NCKAP5: variants seen among roughly 807,000 people sequenced by gnomAD.
NCKAP5 encodes NCK associated protein 5.
A neutral mutation model predicts 167.0 loss-of-function variants in NCKAP5; 92 were observed. The ratio of observed to expected loss-of-function variants is 0.55; its 90% confidence interval spans 0.47 to 0.66. The LOEUF (loss-of-function observed/expected upper bound fraction) is 0.66. Ranked by LOEUF, NCKAP5 falls within the 30% of genes least tolerant of loss-of-function variation. The pLI is 0.00. For missense variants in NCKAP5, 2,378 were observed against 2,315.0 expected, an observed-to-expected ratio of 1.03 and a Z score of -0.56; for synonymous variants, 891 against 877.4, an observed-to-expected ratio of 1.02 and a Z score of -0.27.
intron 3 of NCKAP5, among the ~76,000 whole-genome samples, chr2:133,474,542 A>C (rs1268270744): frequency 1.3e-5 from 2 of 152,206 alleles, no homozygotes; most frequent in Non-Finnish European, 2.9e-5. Flanking sequence ...TTGATAAGGG[A>C]ATAGATTTTA....
chr2:132,723,082 G>A lies in NCKAP5; in HGVS notation c.5713+2545C>T, dbSNP rs6754545. Among the ~76,000 whole-genome samples, 538 of 150,966 alleles carry A rather than the reference G, an allele frequency of 3.6e-3. 2 individuals are homozygous for A. The highest frequency in any genetic ancestry group is 0.012 in the African/African-American group (488 of 41,064). ...CCTCAAGTTATTCTCTTGCCTTACC[G>A]TCCCGAAGTGCTGGGATTACAGGCA... On this transcript the variant is annotated intron_variant, in intron 19 of 19. Transcript: ENST00000409261.
chr2:133,573,607 T>C, the NCKAP5 span, among the ~76,000 whole-genome samples: 1 of 152,302 alleles, frequency 6.6e-6, no homozygotes, highest in East Asian at 1.9e-4. Context: ...ACTAAGGCAC[T>C]GGAAGGCTCT....
intron 7 of NCKAP5, among the ~76,000 whole-genome samples, chr2:132,989,325 T>TC (rs796370854): frequency 6.6e-6 from 1 of 152,184 alleles, no homozygotes; most frequent in African/African-American, 2.4e-5. Flanking sequence ...TAACATAAGT[T>TC]CCCTAATTTA....
chr2:133,209,734 T>C (rs2150155608), intron 5 of NCKAP5, among the ~76,000 whole-genome samples: 1 of 152,258 alleles, frequency 6.6e-6, no homozygotes, highest in East Asian at 1.9e-4. Context: ...AGTATACCAA[T>C]GTTAATCTCT....
At position 132,785,148 on chromosome 2, in the gene NCKAP5, G is replaced by C; in HGVS notation, c.1663C>G (p.Gln555Glu). Reference sequence around the variant, plus strand: ...CTCTCCCTCTGTACCTGAGGCGTCTGCACACTTGGGCACAGCTTCATCTCT... The same window carrying C: ...CTCTCCCTCTGTACCTGAGGCGTCTCCACACTTGGGCACAGCTTCATCTCT... ...PLEMKLCPSVQTPQVQRERGP... is the reference protein window; with the variant it reads ...PLEMKLCPSVETPQVQRERGP... The change falls in exon 14 of 20, where the codon CAG (glutamine) becomes GAG (glutamate). Residue 555 changes from glutamine (Q) to glutamate (E), a missense_variant. Physicochemically the swap from Gln to Glu is conservative, Grantham distance 29 (BLOSUM62 2). This residue lies in a region of NCKAP5 where 1,049 missense variants were observed against 1,023.4 expected (regional missense o/e 1.02). Transcript: ENST00000409261. 1 of 1,605,022 alleles carries C rather than the reference G, an allele frequency of 6.2e-7. No individual in the cohort carries two copies. The highest frequency in any genetic ancestry group is 1.1e-5 in the South Asian group (1 of 89,528).
the NCKAP5 span, among the ~76,000 whole-genome samples, chr2:133,593,102 A>T: frequency 6.6e-6 from 1 of 152,234 alleles, no homozygotes; most frequent in African/African-American, 2.4e-5. Context: ...AGTCACTACT[A>T]CCGTAATTTT....
chr2:132,815,545 T>C (rs984830257), intron 11 of NCKAP5, among the ~76,000 whole-genome samples: 11 of 152,242 alleles, frequency 7.2e-5, no homozygotes, highest in African/African-American at 2.7e-4. Context: ...TATAAATCTA[T>C]AGTGTTTTAT....
chr2:132,993,415 G>C (rs2077501091), intron 7 of NCKAP5, among the ~76,000 whole-genome samples: 1 of 152,020 alleles, frequency 6.6e-6, no homozygotes, highest in Admixed American at 6.6e-5. Context: ...TGGCCTGGCA[G>C]CTTTGCTGGT....
chr2:133,024,492 C>T (rs2078630373), intron 6 of NCKAP5, among the ~76,000 whole-genome samples: 1 of 152,146 alleles, frequency 6.6e-6, no homozygotes. Flanking sequence ...TTAGAGTTAA[C>T]ATATCTTTCA....
intron 6 of NCKAP5, among the ~76,000 whole-genome samples, chr2:133,007,695 T>C (rs112086777): frequency 0.015 from 2,224 of 152,264 alleles, 45 homozygotes; most frequent in African/African-American, 0.051. Context: ...CTTACTGTCC[T>C]GGCAAATTAT....
At chr2:132,714,883 T>C (rs1475099469) in intron 19 of NCKAP5, 4 of 455,728 alleles carry the variant, frequency 8.8e-6, no homozygotes, top group Admixed American at 2.4e-5. Context: ...CTCCCAGTTA[T>C]GGGCATTTCT....
chr2:133,149,978 C>G (rs2083329804), intron 5 of NCKAP5, among the ~76,000 whole-genome samples: 1 of 152,144 alleles, frequency 6.6e-6, no homozygotes, highest in Non-Finnish European at 1.5e-5. Context: ...GCACAATCCT[C>G]CAATCAATTG....
chr2:133,383,328 T>C (rs1686667033), intron 3 of NCKAP5, among the ~76,000 whole-genome samples: 2 of 152,214 alleles, frequency 1.3e-5, no homozygotes, highest in Admixed American at 6.5e-5. Context: ...TGGTTTTTTG[T>C]TCTTGCGATC....
At position 133,152,701 on chromosome 2, in the gene NCKAP5, T is replaced by C. The variant is rs891721285; in HGVS notation, c.208-22590A>G. ...GCCAGTCTGAAAAGGCTATATACTG[T>C]ATGATTCCAAGTATAGTCATGTGCC... On this transcript the variant is annotated intron_variant, in intron 5 of 19. Coordinates refer to ENST00000409261, the MANE Select transcript of NCKAP5 (RefSeq NM_207363.3). 3.3e-5 allele frequency among the ~76,000 whole-genome samples: 5 copies of C among 152,204 alleles called. No individual in the cohort carries two copies. In the South Asian group the frequency reaches 6.2e-4, roughly 19 times the overall value.
At chr2:132,909,037 T>A (rs1574595171) in intron 8 of NCKAP5, among the ~76,000 whole-genome samples, 1 of 152,130 alleles carries the variant, frequency 6.6e-6, no homozygotes, top group Non-Finnish European at 1.5e-5. Context: ...AAGCAGTTTT[T>A]AAAAAATCGA....
Position 133,430,007 on chromosome 2 carries a change from A to G in NCKAP5, c.69+87451T>C, listed in dbSNP as rs542309264. Reference sequence around the variant, plus strand: ...TCTGTTATTTTTTAACTTTTTAATAATAGCTATTTTGACTGATGTGAGATG... The same window carrying G: ...TCTGTTATTTTTTAACTTTTTAATAGTAGCTATTTTGACTGATGTGAGATG... On this transcript the variant is annotated intron_variant, in intron 3 of 19. Transcript: ENST00000409261. Among the ~76,000 whole-genome samples the G allele has an allele frequency of 3.9e-5, 6 of 152,174 alleles. No individual in the cohort carries two copies. The East Asian group carries it at 1.2e-3, about 29-fold the overall frequency.
At chr2:133,048,075 A>T (rs1002063795) in intron 6 of NCKAP5, among the ~76,000 whole-genome samples, 6 of 152,172 alleles carry the variant, frequency 3.9e-5, no homozygotes, top group Admixed American at 3.9e-4. Context: ...TGGTCTGCAT[A>T]CCTTCCACAG....
At chr2:133,597,309 CT>C in the NCKAP5 span, among the ~76,000 whole-genome samples, 1 of 152,170 alleles carries the variant, frequency 6.6e-6, no homozygotes, top group Non-Finnish European at 1.5e-5. Flanking sequence ...AGCCAGCAGT[CT>C]GTAGTTTCAC....
At chr2:133,620,101 A>C in the NCKAP5 span, among the ~76,000 whole-genome samples, 1 of 152,124 alleles carries the variant, frequency 6.6e-6, no homozygotes, top group African/African-American at 2.4e-5. Context: ...TAACTCTTGA[A>C]ACAAACTCTT....
Sources: gnomAD v4.1 joint callset for allele counts (sites outside exome capture counted in the v4.1 genomes callset) on GRCh38, gnomAD v4.1.1 for gene constraint, gnomAD v4.1.1 regional missense constraint, MANE v1.5 for transcripts, NCBI Gene and HGNC (gene_info 2026-07-23, HGNC 2026-07-21) for gene names.